SLC9A1: variants seen among roughly 807,000 people sequenced by gnomAD.
The protein encoded by SLC9A1 is sodium/hydrogen exchanger 1.
Under a neutral mutation model 67.9 loss-of-function variants are expected in SLC9A1, and 22 were observed. The ratio of observed to expected loss-of-function variants is 0.32; its 90% CI spans 0.23 to 0.46. SLC9A1 has a LOEUF of 0.46. Among genes scored for constraint, SLC9A1 ranks in the 20% least tolerant of loss-of-function variants. SLC9A1 has a pLI of 1.00. For missense variants in SLC9A1, 686 were observed against 1,094.8 expected (o/e 0.63, Z 5.27); for synonymous variants, 421 against 471.8 (o/e 0.89, Z 1.40).
chr1:27,155,090 A>G lies in SLC9A1; in HGVS notation c.-756T>C, dbSNP rs1225299593. ...GCAGCTCCTCCTGGTCCAGCTCCAG[A>G]ACTAACCCTAGCCCCGGCCCCGGCG... On this transcript the variant is annotated 5_prime_UTR_variant, in exon 1 of 12. Coordinates refer to ENST00000263980, the MANE Select transcript of SLC9A1 (RefSeq NM_003047.5). This position sits in a 1 kb window ranked among gnomAD's most constrained non-coding sequence, Gnocchi z 4.5. 6.6e-6 allele frequency among the ~76,000 whole-genome samples: 1 copy of G among 152,018 alleles called. No individual in the cohort carries two copies. The highest frequency in any genetic ancestry group is 1.5e-5 in the Non-Finnish European group (1 of 67,980).
At chr1:27,115,752 G>A (rs547480270) in intron 1 of SLC9A1, among the ~76,000 whole-genome samples, 15 of 151,574 alleles carry the variant, frequency 9.9e-5, no homozygotes, top group Admixed American at 2.0e-4. Context: ...AAAAAAGAAA[G>A]AAGAAAGCAA....
rs938605438 is a variant in SLC9A1, at chr1:27,118,907, T to C, written c.353-4621A>G. On this transcript the variant is annotated intron_variant, in intron 1 of 11. Coordinates refer to ENST00000263980, the MANE Select transcript of SLC9A1 (RefSeq NM_003047.5). This position sits in a 1 kb window ranked among gnomAD's most constrained non-coding sequence, Gnocchi z 4.3. Reference sequence around the variant, plus strand: ...CCCAGAACAAGGAGGCACGAAAGTGTGGAATTCAACATCTCCAAGCACAGC... The same window carrying C: ...CCCAGAACAAGGAGGCACGAAAGTGCGGAATTCAACATCTCCAAGCACAGC... Among the ~76,000 whole-genome samples the C allele has an allele frequency of 6.6e-6, 1 of 152,090 alleles. No homozygotes were observed. Among genetic ancestry groups the C allele is most frequent in the African/African-American group, 2.4e-5 (1 of 41,412 alleles).
intron 1 of SLC9A1, among the ~76,000 whole-genome samples, chr1:27,130,062 G>A (rs2083374516): frequency 6.6e-6 from 1 of 152,188 alleles, no homozygotes; most frequent in Admixed American, 6.5e-5. Flanking sequence ...ACCTTGGGCA[G>A]GTCACTCACC....
chr1:27,107,058 C>A (rs965489286), intron 4 of SLC9A1, among the ~76,000 whole-genome samples: 3 of 150,992 alleles, frequency 2.0e-5, no homozygotes, highest in Non-Finnish European at 4.4e-5. Context: ...AACCAGGAAA[C>A]CTCCACCACA....
chr1:27,117,345 G>A (rs1258311056), intron 1 of SLC9A1, among the ~76,000 whole-genome samples: 1 of 152,156 alleles, frequency 6.6e-6, no homozygotes, highest in Non-Finnish European at 1.5e-5. Flanking sequence ...CCCCTGTCCT[G>A]GCGTTAGCAC....
intron 1 of SLC9A1, among the ~76,000 whole-genome samples, chr1:27,143,219 C>G (rs2083463142): frequency 2.0e-5 from 3 of 152,050 alleles, no homozygotes; most frequent in Admixed American, 2.0e-4. Flanking sequence ...CCAGTCCATC[C>G]TCTCACCTAC....
rs1290231732 is a variant in SLC9A1, at chr1:27,101,871, C to G, written c.1936-45G>C. On this transcript the variant is annotated intron_variant, in intron 9 of 11. Coordinates refer to ENST00000263980, the MANE Select transcript of SLC9A1 (RefSeq NM_003047.5). This position sits in a 1 kb window ranked among gnomAD's most constrained non-coding sequence, Gnocchi z 4.9. ...AGGGCAGTGCGGGCCCCGGAAGGCT[C>G]TGCTCATGGAGGGGTGGGGGCAGTG... The G allele has an allele frequency of 2.0e-6, 3 of 1,524,950 alleles. No individual in the cohort carries two copies. The highest frequency in any genetic ancestry group is 1.8e-6 in the Non-Finnish European group (2 of 1,103,002). 94.5% of individuals were successfully genotyped at this position (1,524,950 alleles called of 1,614,324 possible).
chr1:27,131,947 A>AAAAAAATAT, intron 1 of SLC9A1, among the ~76,000 whole-genome samples: 16 of 52,116 alleles, frequency 3.1e-4, no homozygotes, highest in Non-Finnish European at 3.8e-4. Flanking sequence ...AGAAAAAAAA[A>AAAAAAATAT]ATATATATAT....
At chr1:27,108,397 G>A (rs1421787604) in intron 3 of SLC9A1, among the ~76,000 whole-genome samples, 1 of 148,124 alleles carries the variant, frequency 6.8e-6, no homozygotes, top group African/African-American at 2.5e-5. Context: ...AGTGATCTTG[G>A]CTGGGCACGG....
intron 5 of SLC9A1, chr1:27,103,955 T>C (rs917247467): frequency 1.1e-4 from 16 of 152,346 alleles, no homozygotes; most frequent in African/African-American, 3.6e-4. Context: ...CCCTCCCCAA[T>C]GTTGCCTTCA....
At chr1:27,104,313 C>T (rs944060747) in intron 5 of SLC9A1, among the ~76,000 whole-genome samples, 1 of 152,144 alleles carries the variant, frequency 6.6e-6, no homozygotes, top group Non-Finnish European at 1.5e-5. Flanking sequence ...AACTCCTGAC[C>T]TCAGGCGATC....
At chr1:27,146,295 C>T (rs191890259) in intron 1 of SLC9A1, among the ~76,000 whole-genome samples, 3 of 152,278 alleles carry the variant, frequency 2.0e-5, no homozygotes, top group African/African-American at 7.2e-5. Context: ...TCTAGTTCCC[C>T]GTCACTCCTG....
chr1:27,135,525 G>GAAA (rs36107223), intron 1 of SLC9A1, among the ~76,000 whole-genome samples: 1,620 of 109,944 alleles, frequency 0.015, 47 homozygotes, highest in African/African-American at 0.051. Flanking sequence ...CTTTTTTCTG[G>GAAA]AAAAAAAAAA....
intron 3 of SLC9A1, among the ~76,000 whole-genome samples, chr1:27,108,682 G>GA (rs1197259688): frequency 8.5e-5 from 13 of 152,114 alleles, no homozygotes; most frequent in Admixed American, 5.9e-4. Flanking sequence ...ATAAAAAAAT[G>GA]AGAGATCTGA....
At position 27,101,695 on chromosome 1, in the gene SLC9A1, TAC is replaced by T. The variant is rs2083146044; in HGVS notation, c.2037+28_2037+29del. On this transcript the variant is annotated intron_variant, in intron 10 of 11. Transcript: ENST00000263980. This position sits in a 1 kb window ranked among gnomAD's most constrained non-coding sequence, Gnocchi z 4.9. ...CGGAGCTTGGGCGAGTGGGGTGGGATACAGATTCCCAGAGGAAGGCAGAGGCT... is the reference window on the plus strand; with the variant it reads ...CGGAGCTTGGGCGAGTGGGGTGGGATAGATTCCCAGAGGAAGGCAGAGGCT... 3.3e-6 allele frequency: 5 copies of T among 1,495,202 alleles called. No individual in the cohort carries two copies. Among genetic ancestry groups the T allele is most frequent in the South Asian group, 1.1e-5 (1 of 87,260 alleles). The allele number at this position is 1,495,202 out of a possible 1,614,324, so 92.6% of individuals were successfully genotyped here.
chr1:27,125,236 T>C (rs976947502), intron 1 of SLC9A1, among the ~76,000 whole-genome samples: 2 of 98,812 alleles, frequency 2.0e-5, no homozygotes, highest in Non-Finnish European at 4.0e-5. Context: ...TCCTTTTCTT[T>C]CTTTTTTTTT....
Position 27,102,107 on chromosome 1 carries a change from G to A in SLC9A1, c.1844C>T (p.Pro615Leu), listed in dbSNP as rs1378095739. The A allele has an allele frequency of 1.2e-6, 2 of 1,613,992 alleles. No homozygotes were observed. Among genetic ancestry groups the A allele is most frequent in the Admixed American group, 1.7e-5 (1 of 60,024 alleles). The change falls in exon 9 of 12, where the codon CCT (proline) becomes CTT (leucine). Residue 615 changes from proline (P) to leucine (L), a missense_variant. This residue lies in a region of SLC9A1 where 226 missense variants were observed against 282.4 expected (regional missense o/e 0.80). Coordinates refer to ENST00000263980, the MANE Select transcript of SLC9A1 (RefSeq NM_003047.5). ...CAGTGCTGGCAGGATGCGCTCGGAA[G>A]GCAGGGACTTGGGGTGGATGTTCCT... is the stretch of plus-strand genomic sequence containing the variant. ...SMQNIHPKSLPSERILPALSK... is the reference protein window; with the variant it reads ...SMQNIHPKSLLSERILPALSK...
At chr1:27,153,961 C>G in intron 1 of SLC9A1, 22 bp downstream of exon 1, 1 of 1,486,258 alleles carries the variant, frequency 6.7e-7, no homozygotes, top group Non-Finnish European at 9.1e-7. Context: ...GCGGCCGCAG[C>G]ATCGGAGCAA....
At chr1:27,153,218 A>G (rs763254844) in intron 1 of SLC9A1, among the ~76,000 whole-genome samples, 1 of 152,134 alleles carries the variant, frequency 6.6e-6, no homozygotes, top group African/African-American at 2.4e-5. Flanking sequence ...ACCCTGAGAC[A>G]CAGCCAGGCA....
Sources: allele counts gnomAD v4.1 joint callset (sites outside exome capture counted in the v4.1 genomes callset), GRCh38; gene constraint gnomAD v4.1.1; regional missense constraint gnomAD v4.1.1; non-coding constraint Gnocchi (gnomAD v3.1); transcripts MANE v1.5; gene names NCBI Gene and HGNC (gene_info 2026-07-23, HGNC 2026-07-21).